Variants in CACNG2 observed in about 807,000 individuals in gnomAD.
CACNG2 encodes the protein calcium voltage-gated channel auxiliary subunit gamma 2.
In CACNG2, 3 loss-of-function variants were observed where a neutral mutation model predicts 25.9. The ratio of observed to expected loss-of-function variants is 0.12; its 90% CI spans 0.05 to 0.30. CACNG2 has a LOEUF of 0.30. Ranked by LOEUF, CACNG2 falls within the 10% of genes least tolerant of loss-of-function variation. The pLI is 1.00. For synonymous variants in CACNG2, 167 were observed against 173.3 expected, an observed-to-expected ratio of 0.96 and a Z score of 0.29; for missense variants, 341 against 432.5, an observed-to-expected ratio of 0.79 and a Z score of 1.88.
chr22:36,664,736 G>A (rs1171777513), intron 1 of CACNG2, among the ~76,000 whole-genome samples: 3 of 152,218 alleles, frequency 2.0e-5, no homozygotes, highest in Admixed American at 1.3e-4. Context: ...CGTCTAATTC[G>A]ATTATGCTTG....
In CACNG2 at chr22:36,566,339, T is replaced by A; in HGVS notation, c.436+14A>T. ...CCTTCTTCCCAGTGGCAGGACTGGA[T>A]CAGTGGCTGTTACCTGCAGACACGA... is the stretch of plus-strand genomic sequence containing the variant. On this transcript the variant is annotated intron_variant, in intron 3 of 3. Coordinates refer to ENST00000300105, the MANE Select transcript of CACNG2 (RefSeq NM_006078.5). 1 of 1,613,840 alleles carries A rather than the reference T, an allele frequency of 6.2e-7. No individual in the cohort carries two copies. Among genetic ancestry groups the A allele is most frequent in the Non-Finnish European group, 8.5e-7 (1 of 1,179,888 alleles).
At chr22:36,618,910 A>ACT (rs10668604) in intron 1 of CACNG2, among the ~76,000 whole-genome samples, 106,897 of 151,746 alleles carry the variant, frequency 0.7, 38,070 homozygotes, top group East Asian at 0.82. Flanking sequence ...ACAGAGCGAG[A>ACT]CTGTTTCAAA....
rs1935834002 is a variant in CACNG2, at chr22:36,606,420, C to G, written c.212-18872G>C. 6.6e-6 allele frequency among the ~76,000 whole-genome samples: 1 copy of G among 152,142 alleles called. No individual in the cohort carries two copies. The highest frequency in any genetic ancestry group is 2.1e-4 in the South Asian group (1 of 4,828). On this transcript the variant is annotated intron_variant, in intron 1 of 3. Coordinates refer to ENST00000300105, the MANE Select transcript of CACNG2 (RefSeq NM_006078.5). The surrounding 1 kb of genome is among the most constrained non-coding windows in gnomAD (Gnocchi z 5.7). ...GGGACAGAGGGGTGAAGGAACGCCT[C>G]TAAAGATTCATTGCTCGTGTAAGTG... is the stretch of plus-strand genomic sequence containing the variant.
chr22:36,675,640 G>A (rs1385981963), intron 1 of CACNG2, among the ~76,000 whole-genome samples: 2 of 152,230 alleles, frequency 1.3e-5, no homozygotes, highest in African/African-American at 4.8e-5. Context: ...ACCAGGGGAC[G>A]GCATGGTCTG....
chr22:36,604,539 T>C (rs2092408), intron 1 of CACNG2, among the ~76,000 whole-genome samples: 13,325 of 152,240 alleles, frequency 0.088, 800 homozygotes, highest in Non-Finnish European at 0.13. Context: ...GCAAACTACA[T>C]TGTTGTCTTA....
chr22:36,595,400 G>A (rs567124574), intron 1 of CACNG2, among the ~76,000 whole-genome samples: 2 of 152,290 alleles, frequency 1.3e-5, no homozygotes, highest in Admixed American at 6.5e-5. Flanking sequence ...GCCGTGGTAG[G>A]TGTATTCACA....
rs1265892785 is a variant in CACNG2, at chr22:36,674,635, T to A, written c.211+27731A>T. ...TGAGCCACCGCACTTGGCCCACACC[T>A]GTTGATAAGGACTCTTTTAATCCCC... On this transcript the variant is annotated intron_variant, in intron 1 of 3. Coordinates refer to ENST00000300105, the MANE Select transcript of CACNG2 (RefSeq NM_006078.5). 2.0e-5 allele frequency among the ~76,000 whole-genome samples: 3 copies of A among 152,286 alleles called. No homozygotes were observed. In the East Asian group the frequency reaches 5.8e-4, roughly 29 times the overall value.
chr22:36,666,867 C>T (rs1351658507), intron 1 of CACNG2, among the ~76,000 whole-genome samples: 2 of 152,098 alleles, frequency 1.3e-5, no homozygotes, highest in Non-Finnish European at 2.9e-5. Context: ...CCCACTAGAC[C>T]GGATGGCCCA....
chr22:36,625,029 A>AAAAAAAAAAAAAAAAAC (rs1936164299), intron 1 of CACNG2, among the ~76,000 whole-genome samples: 1 of 148,622 alleles, frequency 6.7e-6, no homozygotes, highest in Non-Finnish European at 1.5e-5. Context: ...TCTGTCTCAA[A>AAAAAAAAAAAAAAAAAC]AAAAAAAAAA....
Position 36,640,574 on chromosome 22 carries a change from C to G in CACNG2, c.212-53026G>C, listed in dbSNP as rs572821498. Among the ~76,000 whole-genome samples, 5 of 152,338 alleles carry G rather than the reference C, an allele frequency of 3.3e-5. No individual in the cohort carries two copies. The South Asian group carries it at 1.0e-3, about 32-fold the overall frequency. ...CTGACTGCCTACCCTTTCTGCATCT[C>G]GGTTTCCTCACCTGCAGGACGGGAA... On this transcript the variant is annotated intron_variant, in intron 1 of 3. Transcript: ENST00000300105.
At chr22:36,656,187 TAATA>T (rs1000986100) in intron 1 of CACNG2, among the ~76,000 whole-genome samples, 4 of 152,188 alleles carry the variant, frequency 2.6e-5, no homozygotes, top group African/African-American at 9.7e-5. Context: ...TGGAACAATC[TAATA>T]AATAGACTCA....
intron 1 of CACNG2, among the ~76,000 whole-genome samples, chr22:36,636,407 G>A (rs866348240): frequency 1.3e-5 from 2 of 152,166 alleles, no homozygotes; most frequent in Non-Finnish European, 2.9e-5. Context: ...CCTAGATCAG[G>A]TTCCCCCGGG....
At chr22:36,648,908 T>C (rs1016335338) in intron 1 of CACNG2, among the ~76,000 whole-genome samples, 1 of 152,218 alleles carries the variant, frequency 6.6e-6, no homozygotes, top group African/African-American at 2.4e-5. Context: ...CCTCTCACTT[T>C]CAACCCTCCC....
chr22:36,679,242 CTTTCT>C (rs1937063937), intron 1 of CACNG2, among the ~76,000 whole-genome samples: 1 of 135,610 alleles, frequency 7.4e-6, no homozygotes, highest in African/African-American at 2.8e-5. Context: ...TTCTTTCTTT[CTTTCT>C]TTTCTTTAAA....
At chr22:36,583,903 C>T (rs575802817) in intron 2 of CACNG2, among the ~76,000 whole-genome samples, 1 of 152,310 alleles carries the variant, frequency 6.6e-6, no homozygotes, top group East Asian at 1.9e-4. Flanking sequence ...CCCCACTCCA[C>T]CCCTGCACTG....
chr22:36,644,265 C>T (rs970639806), intron 1 of CACNG2, among the ~76,000 whole-genome samples: 27 of 152,176 alleles, frequency 1.8e-4, no homozygotes, highest in Admixed American at 1.1e-3. Flanking sequence ...AATCCTACAC[C>T]TAATTCTGTC....
chr22:36,672,531 A>G (rs968479533), intron 1 of CACNG2, among the ~76,000 whole-genome samples: 4 of 152,158 alleles, frequency 2.6e-5, no homozygotes, highest in Non-Finnish European at 2.9e-5. Flanking sequence ...GATGACTTCA[A>G]TGAGGCTTTT....
chr22:36,570,433 T>C (rs1376071509), intron 2 of CACNG2, among the ~76,000 whole-genome samples: 1 of 152,198 alleles, frequency 6.6e-6, no homozygotes. Flanking sequence ...CCCCAAGCTC[T>C]GGCCTTTCGT....
chr22:36,662,777 G>A (rs150022537), intron 1 of CACNG2, among the ~76,000 whole-genome samples: 8 of 152,088 alleles, frequency 5.3e-5, no homozygotes, highest in Admixed American at 2.6e-4. Flanking sequence ...ACACTCTTTC[G>A]TTCAGTTTGC....
Sources: allele counts gnomAD v4.1 joint callset (sites outside exome capture counted in the v4.1 genomes callset), GRCh38; gene constraint gnomAD v4.1.1; non-coding constraint Gnocchi (gnomAD v3.1); transcripts MANE v1.5; gene names NCBI Gene and HGNC (gene_info 2026-07-23, HGNC 2026-07-21).